SERPINA6: variants seen among roughly 807,000 people sequenced by gnomAD.
SERPINA6 encodes the protein serpin family A member 6.
In SERPINA6, 19 loss-of-function variants were observed where a neutral mutation model predicts 26.4. The observed-to-expected ratio is 0.72, with a 90% CI of 0.50 to 1.06. The LOEUF (loss-of-function observed/expected upper bound fraction) is 1.06, where lower values mean the gene tolerates loss of function less well. SERPINA6 is among the 50% of genes least tolerant of loss of function. The pLI is 0.00. For synonymous variants in SERPINA6, 196 were observed against 199.4 expected (o/e 0.98, Z 0.14); for missense variants, 473 against 504.0 (o/e 0.94, Z 0.59).
In SERPINA6 at chr14:94,306,090, G is replaced by A; in HGVS notation, c.1013C>T (p.Ala338Val). The A allele has an allele frequency of 6.2e-7, 1 of 1,614,194 alleles. No homozygotes were observed. Among genetic ancestry groups the A allele is most frequent in the African/African-American group, 1.3e-5 (1 of 75,040 alleles). Reference protein sequence around the residue: ...QANFSRITQDAQLKSSKVVHK... With the variant: ...QANFSRITQDVQLKSSKVVHK... ...ATTTACCTTTGATGACTTCAGCTGG[G>A]CGTCCTGGGTGATGCGTGAGAAATT... Residue 338 changes from alanine to valine, a missense_variant, in exon 4 of 5, where the codon GCC becomes GTC. By Grantham distance (64) the Ala-to-Val change is moderately conservative. Transcript: ENST00000341584.
chr14:94,314,708 CTG>C, intron 1 of SERPINA6, 41 bp from the exon 2 acceptor site: 6 of 1,590,594 alleles, frequency 3.8e-6, no homozygotes, highest in Non-Finnish European at 5.1e-6. Flanking sequence ...GTGGCAGTCT[CTG>C]AGTCAATGGG....
At chr14:94,322,636 A>C (rs1349730567) in intron 1 of SERPINA6, among the ~76,000 whole-genome samples, 1 of 152,260 alleles carries the variant, frequency 6.6e-6, no homozygotes. Flanking sequence ...AGACTCACTT[A>C]GTAAATATTC....
At chr14:94,305,008 G>A (rs1168735169) in intron 4 of SERPINA6, among the ~76,000 whole-genome samples, 2 of 152,292 alleles carry the variant, frequency 1.3e-5, no homozygotes, top group Admixed American at 1.3e-4. Context: ...GTTTGGGAAA[G>A]CTGAGGCAGA....
intron 2 of SERPINA6, 110 bp from the exon 3 acceptor site, chr14:94,310,116 G>T: frequency 9.1e-7 from 1 of 1,102,432 alleles, no homozygotes; most frequent in Non-Finnish European, 1.3e-6. Flanking sequence ...TGCTTGGAAT[G>T]TCCCCATTCA....
At chr14:94,305,477 C>G (rs1229446080) in intron 4 of SERPINA6, among the ~76,000 whole-genome samples, 1 of 152,208 alleles carries the variant, frequency 6.6e-6, no homozygotes, top group East Asian at 1.9e-4. Context: ...TCAATCCACT[C>G]ACACAGCACG....
chr14:94,306,063 A>G lies in SERPINA6; in HGVS notation c.1032+8T>C, dbSNP rs749558300. The G allele has an allele frequency of 6.2e-7, 1 of 1,614,192 alleles. No individual in the cohort carries two copies. Among genetic ancestry groups the G allele is most frequent in the Non-Finnish European group, 8.5e-7 (1 of 1,180,030 alleles). On this transcript the variant is annotated splice_region_variant and intron_variant, in intron 4 of 4. Coordinates refer to ENST00000341584, the MANE Select transcript of SERPINA6 (RefSeq NM_001756.4). ...GGGGAAGAAAAGGTGGGTTCCCATGACATTTACCTTTGATGACTTCAGCTG... is the reference window on the plus strand; with the variant it reads ...GGGGAAGAAAAGGTGGGTTCCCATGGCATTTACCTTTGATGACTTCAGCTG...
At chr14:94,310,453 G>A (rs563339645) in intron 2 of SERPINA6, among the ~76,000 whole-genome samples, 10 of 152,262 alleles carry the variant, frequency 6.6e-5, no homozygotes, top group African/African-American at 2.4e-4. Context: ...TGAGGCTCCT[G>A]ACCCTGCTGA....
intron 4 of SERPINA6, among the ~76,000 whole-genome samples, chr14:94,304,934 T>G (rs1251492924): frequency 6.6e-6 from 1 of 152,194 alleles, no homozygotes; most frequent in Non-Finnish European, 1.5e-5. Flanking sequence ...GAGATCTTGC[T>G]CCCTTTCCAC....
chr14:94,317,936 T>C (rs936365997), intron 1 of SERPINA6, among the ~76,000 whole-genome samples: 1 of 152,240 alleles, frequency 6.6e-6, no homozygotes, highest in Non-Finnish European at 1.5e-5. Flanking sequence ...CATGATCTTA[T>C]ATGTTCAAAA....
Position 94,321,833 on chromosome 14 carries a change from C to G in SERPINA6, c.-20+1434G>C, listed in dbSNP as rs141923482. On this transcript the variant is annotated intron_variant, in intron 1 of 4. Transcript: ENST00000341584. Reference sequence around the variant, plus strand: ...TTGCTTAGCTTTGGTCACTGCCATACCTATCTGGGATCTCCTCTCAGGCAC... The same window carrying G: ...TTGCTTAGCTTTGGTCACTGCCATAGCTATCTGGGATCTCCTCTCAGGCAC... Among the ~76,000 whole-genome samples, 18 of 152,336 alleles carry G rather than the reference C, an allele frequency of 1.2e-4. 1 individual carries two copies. In the East Asian group the frequency reaches 2.5e-3, roughly 21 times the overall value.
At chr14:94,310,930 A>G (rs962306819) in intron 2 of SERPINA6, among the ~76,000 whole-genome samples, 1 of 152,134 alleles carries the variant, frequency 6.6e-6, no homozygotes, top group Admixed American at 6.5e-5. Flanking sequence ...CCAGGCCACC[A>G]TTTCCCAGCC....
At chr14:94,318,717 A>T (rs903506546) in intron 1 of SERPINA6, among the ~76,000 whole-genome samples, 4 of 152,218 alleles carry the variant, frequency 2.6e-5, no homozygotes, top group African/African-American at 9.6e-5. Flanking sequence ...TTAGAAAAAA[A>T]CATGGGGGAA....
At chr14:94,313,898 G>C (rs1035915107) in intron 2 of SERPINA6, 138 bp downstream of exon 2, 1 of 920,170 alleles carries the variant, frequency 1.1e-6, no homozygotes, top group Non-Finnish European at 1.8e-6. Context: ...CAGCAGGATT[G>C]TGGTGAAGAT....
At chr14:94,310,155 A>C (rs1239191927) in intron 2 of SERPINA6, 149 bp from the exon 3 acceptor site, 34 of 796,576 alleles carry the variant, frequency 4.3e-5, no homozygotes, top group Non-Finnish European at 6.7e-5. Context: ...GTAAGATATA[A>C]AAATTCCCAG....
intron 1 of SERPINA6, among the ~76,000 whole-genome samples, chr14:94,318,700 A>G (rs560561841): frequency 6.6e-6 from 1 of 152,316 alleles, no homozygotes; most frequent in South Asian, 2.1e-4. Flanking sequence ...TTAAAATTAT[A>G]AAAATCTTAG....
rs576498035 is a variant in SERPINA6, at chr14:94,307,108, C to T, written c.885-890G>A. ...AAAGGAGAGGGAGAAGAACCAGAGG[C>T]GAGTCGGTGTGTACCTTCTCCAGGT... On this transcript the variant is annotated intron_variant, in intron 3 of 4. Transcript: ENST00000341584. Among the ~76,000 whole-genome samples the T allele has an allele frequency of 5.9e-5, 9 of 152,198 alleles. No homozygotes were observed. In the South Asian group the frequency reaches 1.5e-3, roughly 25 times the overall value.
intron 1 of SERPINA6, among the ~76,000 whole-genome samples, chr14:94,318,869 T>G (rs970401564): frequency 4.6e-5 from 7 of 152,118 alleles, no homozygotes; most frequent in Admixed American, 4.6e-4. Context: ...AAAGTAAAAA[T>G]GCAACTCACA....
intron 1 of SERPINA6, among the ~76,000 whole-genome samples, chr14:94,321,332 CCCA>C (rs1409831306): frequency 4.3e-4 from 66 of 152,282 alleles, no homozygotes; most frequent in Non-Finnish European, 8.8e-5. Flanking sequence ...CTCCCCATTG[CCCA>C]CCACAGGGCT....
chr14:94,313,780 A>T (rs1011361309), intron 2 of SERPINA6: 12 of 627,392 alleles, frequency 1.9e-5, no homozygotes, highest in Non-Finnish European at 3.5e-5. Context: ...CAGACTGTTC[A>T]TGGTTACAGG....
Sources: gnomAD v4.1 joint callset for allele counts (sites outside exome capture counted in the v4.1 genomes callset) on GRCh38, gnomAD v4.1.1 for gene constraint, MANE v1.5 for transcripts, NCBI Gene and HGNC (gene_info 2026-07-23, HGNC 2026-07-21) for gene names.